Variants in SPECC1 observed in about 807,000 individuals in gnomAD.
SPECC1 encodes the protein cytospin-B.
Under a neutral mutation model 104.1 loss-of-function variants are expected in SPECC1, and 62 were observed. That is an observed-to-expected ratio of 0.60 (90% confidence interval 0.49 to 0.74). The LOEUF (loss-of-function observed/expected upper bound fraction) is 0.74, where lower values mean the gene tolerates loss of function less well. Ranked by LOEUF, SPECC1 falls within the 30% of genes least tolerant of loss-of-function variation. The probability of loss-of-function intolerance (pLI) is 0.00; values close to 1 mark genes in which losing one functional copy is unlikely to be tolerated. For synonymous variants in SPECC1, 513 were observed against 501.6 expected (o/e 1.02, Z -0.30); for missense variants, 1,306 against 1,310.5 (o/e 1.00, Z 0.05).
At chr17:20,105,452 C>A (rs1026263505) in intron 2 of SPECC1, among the ~76,000 whole-genome samples, 3 of 152,176 alleles carry the variant, frequency 2.0e-5, no homozygotes, top group African/African-American at 7.2e-5. Context: ...ACTCCCTGGG[C>A]TGCCTCCTTC....
chr17:20,035,514 T>C (rs551561065), intron 1 of SPECC1, among the ~76,000 whole-genome samples: 69 of 152,242 alleles, frequency 4.5e-4, no homozygotes, highest in Non-Finnish European at 9.1e-4. Flanking sequence ...TAGATTTATA[T>C]GTAAGTATTT....
At chr17:20,095,021 G>C (rs2047578086) in intron 1 of SPECC1, among the ~76,000 whole-genome samples, 2 of 152,234 alleles carry the variant, frequency 1.3e-5, no homozygotes, top group African/African-American at 4.8e-5. Flanking sequence ...TGATTCTGCA[G>C]TAATTGGTGA....
intron 1 of SPECC1, among the ~76,000 whole-genome samples, chr17:20,051,046 G>GGTTCGTTC (rs768718441): frequency 6.9e-6 from 1 of 145,152 alleles, no homozygotes; most frequent in Admixed American, 7.0e-5. Context: ...ATAAGCACTT[G>GGTTCGTTC]GTTCTTTCTT....
chr17:20,238,224 G>C, intron 7 of SPECC1: 24 of 1,039,958 alleles, frequency 2.3e-5, no homozygotes, highest in Non-Finnish European at 2.7e-5. Context: ...AATGGCAATA[G>C]AAATCTAATG....
At chr17:20,166,743 T>G (rs1313512515) in intron 3 of SPECC1, among the ~76,000 whole-genome samples, 1 of 152,114 alleles carries the variant, frequency 6.6e-6, no homozygotes, top group African/African-American at 2.4e-5. Context: ...TTCTCTTTCC[T>G]CAGTACCTAG....
chr17:20,111,963 G>GTGGAC, intron 3 of SPECC1: 1 of 791,748 alleles, frequency 1.3e-6, no homozygotes, highest in Non-Finnish European at 2.3e-6. Context: ...AATGGCAAAG[G>GTGGAC]TGGACTGATT....
At chr17:20,270,523 G>A (rs2040372844) in intron 12 of SPECC1, among the ~76,000 whole-genome samples, 1 of 142,544 alleles carries the variant, frequency 7.0e-6, no homozygotes, top group South Asian at 2.3e-4. Flanking sequence ...GGAGGCTGAA[G>A]ACAGAGACTT....
chr17:20,255,567 A>G (rs1474553636), intron 10 of SPECC1, among the ~76,000 whole-genome samples: 6 of 152,160 alleles, frequency 3.9e-5, no homozygotes, highest in Non-Finnish European at 8.8e-5. Flanking sequence ...TAGAGACACC[A>G]TTCTTTCTGG....
intron 3 of SPECC1, among the ~76,000 whole-genome samples, chr17:20,192,024 C>G (rs1567921173): frequency 6.6e-6 from 1 of 152,038 alleles, no homozygotes; most frequent in South Asian, 2.1e-4. Flanking sequence ...GCAGCCTTCA[C>G]CTCCTGGGCT....
rs920825800 is a variant in SPECC1, at chr17:20,116,582, G to C, written c.283+6020G>C. 2.6e-5 allele frequency among the ~76,000 whole-genome samples: 4 copies of C among 152,114 alleles called. No individual in the cohort carries two copies. The East Asian group carries it at 7.7e-4, about 29-fold the overall frequency. On this transcript the variant is annotated intron_variant, in intron 3 of 14. Coordinates refer to ENST00000395527, the MANE Select transcript of SPECC1 (RefSeq NM_001243439.2). ...AGTGAAAGCATATATGTGATTCTTA[G>C]GAAGATTAAATAGAATTAAGATTAA...
chr17:20,150,229 C>T (rs533095467), intron 3 of SPECC1, among the ~76,000 whole-genome samples: 36 of 151,760 alleles, frequency 2.4e-4, no homozygotes, highest in Middle Eastern at 3.4e-3. Flanking sequence ...GTGATCTGCC[C>T]GCCTCAGCCT....
At chr17:20,032,146 CT>C (rs150634006) in intron 1 of SPECC1, among the ~76,000 whole-genome samples, 10,100 of 151,902 alleles carry the variant, frequency 0.066, 959 homozygotes, top group African/African-American at 0.21. Flanking sequence ...AAGTGATGTT[CT>C]TTTGTAAGTG....
chr17:20,146,130 A>G lies in SPECC1; in HGVS notation c.283+35568A>G, dbSNP rs538070807. Among the ~76,000 whole-genome samples the G allele has an allele frequency of 2.5e-4, 38 of 152,254 alleles. 1 individual carries two copies. In the South Asian group the frequency reaches 7.7e-3, roughly 31 times the overall value. On this transcript the variant is annotated intron_variant, in intron 3 of 14. Coordinates refer to ENST00000395527, the MANE Select transcript of SPECC1 (RefSeq NM_001243439.2). Reference sequence around the variant, plus strand: ...GTTCACTTTTGGTGGTGTACATTCTATGGGTTTTGACACGTATCCACCATT... The same window carrying G: ...GTTCACTTTTGGTGGTGTACATTCTGTGGGTTTTGACACGTATCCACCATT...
At chr17:20,212,254 A>G (rs1187342190) in intron 4 of SPECC1, among the ~76,000 whole-genome samples, 4 of 152,240 alleles carry the variant, frequency 2.6e-5, no homozygotes, top group African/African-American at 9.6e-5. Flanking sequence ...TCTATTCACA[A>G]CAGGGCTAAG....
chr17:20,051,068 T>TTTTCTTTCTTTC (rs71157856), intron 1 of SPECC1, among the ~76,000 whole-genome samples: 13 of 90,762 alleles, frequency 1.4e-4, no homozygotes, highest in East Asian at 9.9e-4. Flanking sequence ...CTTTCTTTCT[T>TTTTCTTTCTTTC]TTTCTTTCTT....
intron 10 of SPECC1, among the ~76,000 whole-genome samples, chr17:20,255,506 A>G (rs768053140): frequency 1.3e-5 from 2 of 152,244 alleles, no homozygotes; most frequent in Admixed American, 6.5e-5. Context: ...CCTTTGGTAG[A>G]TAATATTTGT....
chr17:20,021,232 T>C (rs527707495), intron 1 of SPECC1, among the ~76,000 whole-genome samples: 2 of 152,088 alleles, frequency 1.3e-5, no homozygotes, highest in Non-Finnish European at 2.9e-5. Flanking sequence ...AAAATCCACA[T>C]GTAAGTGGAC....
At chr17:20,053,931 C>G (rs753196173) in intron 1 of SPECC1, among the ~76,000 whole-genome samples, 1 of 152,196 alleles carries the variant, frequency 6.6e-6, no homozygotes, top group Non-Finnish European at 1.5e-5. Context: ...CCAATACACA[C>G]GGCAAACCTT....
At chr17:20,260,456 C>T (rs1309537296) in intron 12 of SPECC1, among the ~76,000 whole-genome samples, 162 bp downstream of exon 12, 1 of 152,196 alleles carries the variant, frequency 6.6e-6, no homozygotes, top group African/African-American at 2.4e-5. Context: ...GATATTTGTG[C>T]ACTGCCCAAA....
Sources: allele counts gnomAD v4.1 joint callset (sites outside exome capture counted in the v4.1 genomes callset), GRCh38; gene constraint gnomAD v4.1.1; transcripts MANE v1.5; gene names NCBI Gene and HGNC (gene_info 2026-07-23, HGNC 2026-07-21).